RBFOX1: variants seen among roughly 807,000 people sequenced by gnomAD.
RBFOX1 encodes RNA binding fox-1 homolog 1, also known as RNA binding protein fox-1 homolog 1.
RBFOX1 carries 8 observed loss-of-function variants against 57.7 expected under a neutral mutation model. The ratio of observed to expected loss-of-function variants is 0.14; its 90% confidence interval spans 0.08 to 0.25. RBFOX1 has a LOEUF of 0.25. Among genes scored for constraint, RBFOX1 ranks in the 10% least tolerant of loss-of-function variants. RBFOX1 has a pLI of 1.00. For synonymous variants in RBFOX1, 326 were observed against 222.4 expected (o/e 1.47, Z -4.15); for missense variants, 611 against 548.5 (o/e 1.11, Z -1.14).
chr16:6,176,120 C>G (rs554227500), intron 1 of RBFOX1, among the ~76,000 whole-genome samples: 3 of 151,940 alleles, frequency 2.0e-5, no homozygotes, highest in Non-Finnish European at 2.9e-5. Context: ...AATCCCAGCC[C>G]TAAATTACTA....
Position 6,886,243 on chromosome 16 carries a change from G to T in RBFOX1, c.-15-165814G>T, listed in dbSNP as rs369201847. Among the ~76,000 whole-genome samples the T allele has an allele frequency of 2.8e-4, 43 of 151,740 alleles. 1 individual carries two copies. The South Asian group carries it at 8.8e-3, about 31-fold the overall frequency. On this transcript the variant is annotated intron_variant, in intron 3 of 15. Transcript: ENST00000550418. ...CGCTTAGCTAATTTTTGTATTTTTA[G>T]TAGAGACGAGGTCTCACCATGTTGG...
intron 4 of RBFOX1, among the ~76,000 whole-genome samples, chr16:7,373,909 A>C (rs1010566975): frequency 6.6e-6 from 1 of 152,218 alleles, no homozygotes; most frequent in African/African-American, 2.4e-5. Context: ...ATCTTAGCTT[A>C]TAACTTAGGC....
intron 1 of RBFOX1, among the ~76,000 whole-genome samples, chr16:6,311,806 C>G (rs757874037): frequency 6.6e-6 from 1 of 152,136 alleles, no homozygotes; most frequent in Non-Finnish European, 1.5e-5. Context: ...TCTAAGGTGG[C>G]TTCAGTGCAC....
intron 4 of RBFOX1, among the ~76,000 whole-genome samples, chr16:7,329,586 TGGAAGGTTTTGA>T (rs2096657408): frequency 6.6e-6 from 1 of 152,218 alleles, no homozygotes; most frequent in African/African-American, 2.4e-5. Flanking sequence ...TTATGATTAG[TGGAAGGTTTTGA>T]ACGAGGACGA....
At chr16:6,761,124 C>T (rs1263148697) in intron 3 of RBFOX1, among the ~76,000 whole-genome samples, 1 of 152,130 alleles carries the variant, frequency 6.6e-6, no homozygotes, top group African/African-American at 2.4e-5. Flanking sequence ...CTGACAATGC[C>T]TTAGAAATTT....
chr16:5,570,839 CAA>C (rs35367073), intron 2 of RBFOX1, among the ~76,000 whole-genome samples: 2 of 140,716 alleles, frequency 1.4e-5, no homozygotes, highest in East Asian at 2.1e-4. Context: ...AACTCTGTCT[CAA>C]AAAAAAAAAA....
chr16:7,303,062 G>A (rs929319798), intron 4 of RBFOX1, among the ~76,000 whole-genome samples: 1 of 152,322 alleles, frequency 6.6e-6, no homozygotes. Context: ...AGGAGCGGGT[G>A]TTCTGGGCTG....
chr16:7,695,694 C>A (rs2078596388), intron 14 of RBFOX1, among the ~76,000 whole-genome samples: 2 of 149,388 alleles, frequency 1.3e-5, no homozygotes, highest in African/African-American at 2.5e-5. Context: ...CCACTACCCA[C>A]ATTCTAAACA....
At chr16:5,445,283 A>G (rs934872860) in intron 1 of RBFOX1, among the ~76,000 whole-genome samples, 6 of 152,138 alleles carry the variant, frequency 3.9e-5, no homozygotes, top group Non-Finnish European at 7.3e-5. Flanking sequence ...GATGAAGGTG[A>G]CTTATCTTTC....
intron 3 of RBFOX1, among the ~76,000 whole-genome samples, chr16:5,862,436 G>A (rs572338937): frequency 1.3e-5 from 2 of 152,256 alleles, no homozygotes; most frequent in Admixed American, 6.5e-5. Flanking sequence ...AGCACCGTTG[G>A]CACAGCCATC....
chr16:7,468,106 G>A (rs1307283421), intron 4 of RBFOX1, among the ~76,000 whole-genome samples: 1 of 152,198 alleles, frequency 6.6e-6, no homozygotes, highest in Non-Finnish European at 1.5e-5. Flanking sequence ...GAACTTGGTT[G>A]AGCTGGCAAG....
At chr16:7,594,491 T>C (rs1437098494) in intron 7 of RBFOX1, among the ~76,000 whole-genome samples, 1 of 152,210 alleles carries the variant, frequency 6.6e-6, no homozygotes, top group East Asian at 1.9e-4. Context: ...TTTAGGGGCT[T>C]TAAAAATAAT....
chr16:6,909,946 A>G (rs1396706356), intron 3 of RBFOX1, among the ~76,000 whole-genome samples: 1 of 151,928 alleles, frequency 6.6e-6, no homozygotes, highest in African/African-American at 2.4e-5. Flanking sequence ...AAACTTCATG[A>G]GCCATTTCTG....
chr16:6,327,918 G>A (rs888294295), intron 2 of RBFOX1, among the ~76,000 whole-genome samples: 3 of 152,222 alleles, frequency 2.0e-5, no homozygotes, highest in East Asian at 1.9e-4. Context: ...TGCATGCACC[G>A]TGGTCCCAGT....
At chr16:6,736,505 A>G (rs2070353068) in intron 3 of RBFOX1, among the ~76,000 whole-genome samples, 1 of 152,198 alleles carries the variant, frequency 6.6e-6, no homozygotes, top group South Asian at 2.1e-4. Flanking sequence ...TTTTATGGCT[A>G]AGTAGTATTG....
At chr16:5,271,633 C>T (rs2063010749) in intron 1 of RBFOX1, among the ~76,000 whole-genome samples, 1 of 139,272 alleles carries the variant, frequency 7.2e-6, no homozygotes, top group Admixed American at 7.2e-5. Flanking sequence ...CTTAGAAGGT[C>T]GATGATGTGT....
At chr16:7,425,420 C>G (rs1031104954) in intron 4 of RBFOX1, among the ~76,000 whole-genome samples, 7 of 152,166 alleles carry the variant, frequency 4.6e-5, no homozygotes, top group Non-Finnish European at 1.0e-4. Context: ...TAGAAAACTT[C>G]CTCAAAACCT....
intron 2 of RBFOX1, among the ~76,000 whole-genome samples, chr16:6,502,707 C>T (rs2095973662): frequency 6.6e-6 from 1 of 152,004 alleles, no homozygotes; most frequent in Non-Finnish European, 1.5e-5. Flanking sequence ...TTGCCATTAC[C>T]ACCGGACCCC....
intron 11 of RBFOX1, among the ~76,000 whole-genome samples, chr16:7,634,848 A>T (rs533326013): frequency 6.6e-6 from 1 of 152,236 alleles, no homozygotes; most frequent in African/African-American, 2.4e-5. Flanking sequence ...GCTTTCTATG[A>T]AACTTAAATG....
Sources: allele counts gnomAD v4.1 joint callset (sites outside exome capture counted in the v4.1 genomes callset), GRCh38; gene constraint gnomAD v4.1.1; transcripts MANE v1.5; gene names NCBI Gene and HGNC (gene_info 2026-07-23, HGNC 2026-07-21).